The following PALM2AKAP2 variants were observed in gnomAD, a reference collection of about 807,000 sequenced individuals.
The protein encoded by PALM2AKAP2 is PALM2-AKAP2 fusion protein.
In PALM2AKAP2, 37 loss-of-function variants were observed where a neutral mutation model predicts 71.5. That is an observed-to-expected ratio of 0.52 (90% CI 0.40 to 0.68). PALM2AKAP2 has a LOEUF of 0.68. PALM2AKAP2 is among the 30% of genes least tolerant of loss of function. The probability of loss-of-function intolerance (pLI) is 0.00; values close to 1 mark genes in which losing one functional copy is unlikely to be tolerated. For synonymous variants in PALM2AKAP2, 468 were observed against 478.8 expected (o/e 0.98, Z 0.29); for missense variants, 1,224 against 1,191.8 (o/e 1.03, Z -0.40).
upstream of PALM2AKAP2, among the ~76,000 whole-genome samples, chr9:109,778,697 T>C (rs372272380): frequency 1.3e-3 from 194 of 152,074 alleles, no homozygotes; most frequent in African/African-American, 4.1e-3. Context: ...TCTGTGAAAA[T>C]TGAAAGGGCA....
At chr9:110,097,485 G>A (rs1182060015) in intron 1 of PALM2AKAP2, among the ~76,000 whole-genome samples, 2 of 150,034 alleles carry the variant, frequency 1.3e-5, no homozygotes, top group African/African-American at 4.9e-5. Flanking sequence ...CCCAGACGGG[G>A]TGGTGGCCGG....
chr9:110,140,283 A>T (rs540029774), intron 2 of PALM2AKAP2, among the ~76,000 whole-genome samples: 26 of 152,288 alleles, frequency 1.7e-4, no homozygotes, highest in African/African-American at 6.3e-4. Flanking sequence ...GCTAACTTGT[A>T]TGTCCTTTGG....
chr9:109,840,871 G>C (rs1045569838), intron 1 of PALM2AKAP2, among the ~76,000 whole-genome samples: 4 of 152,214 alleles, frequency 2.6e-5, no homozygotes, highest in African/African-American at 9.6e-5. Context: ...GGAGACAACA[G>C]GTGCTGGAGA....
At chr9:109,915,346 A>T (rs1192024346) in intron 3 of PALM2AKAP2, among the ~76,000 whole-genome samples, 2 of 152,222 alleles carry the variant, frequency 1.3e-5, no homozygotes. Context: ...GTTTCTGGAG[A>T]GCAATTAAGT....
intron 1 of PALM2AKAP2, among the ~76,000 whole-genome samples, chr9:109,688,850 G>A (rs1827839476): frequency 6.6e-6 from 1 of 152,204 alleles, no homozygotes. Context: ...CTGTAGAGAA[G>A]ATAATAGAAG....
intron 1 of PALM2AKAP2, among the ~76,000 whole-genome samples, chr9:109,863,243 A>C (rs1829362299): frequency 1.3e-5 from 2 of 152,178 alleles, no homozygotes; most frequent in Non-Finnish European, 2.9e-5. Flanking sequence ...GTAGGAGATG[A>C]AGGAAGGAGG....
At chr9:109,890,188 T>A (rs190728496) in intron 3 of PALM2AKAP2, among the ~76,000 whole-genome samples, 157 of 152,362 alleles carry the variant, frequency 1.0e-3, no homozygotes, top group Non-Finnish European at 2.0e-3. Flanking sequence ...GGTGTCTCAG[T>A]CCTTTCCAGC....
intron 1 of PALM2AKAP2, among the ~76,000 whole-genome samples, chr9:109,811,898 A>G (rs911271145): frequency 6.6e-6 from 1 of 152,234 alleles, no homozygotes; most frequent in Non-Finnish European, 1.5e-5. Context: ...AAAGCAAGTC[A>G]TGGTATACCT....
At chr9:110,060,670 C>T (rs1039596792) in intron 1 of PALM2AKAP2, among the ~76,000 whole-genome samples, 21 of 152,176 alleles carry the variant, frequency 1.4e-4, no homozygotes, top group African/African-American at 4.6e-4. Flanking sequence ...GGCGCGATCT[C>T]GGCTCACTGC....
chr9:109,963,440 A>G (rs369755173), intron 6 of PALM2AKAP2, among the ~76,000 whole-genome samples: 4 of 152,188 alleles, frequency 2.6e-5, no homozygotes, highest in East Asian at 1.9e-4. Context: ...CCTACATTTC[A>G]TCTTCTCTTA....
chr9:109,977,097 G>C (rs932376108), intron 6 of PALM2AKAP2, among the ~76,000 whole-genome samples: 4 of 151,916 alleles, frequency 2.6e-5, no homozygotes, highest in African/African-American at 9.7e-5. Context: ...TAGGAGGTCT[G>C]AGGTGAGGCC....
At chr9:109,963,498 G>A (rs1831888497) in intron 6 of PALM2AKAP2, among the ~76,000 whole-genome samples, 1 of 152,154 alleles carries the variant, frequency 6.6e-6, no homozygotes, top group Non-Finnish European at 1.5e-5. Context: ...CAGGAGGTGG[G>A]AACTAGCTAG....
At chr9:109,921,477 G>A (rs930830159) in intron 3 of PALM2AKAP2, among the ~76,000 whole-genome samples, 5 of 152,192 alleles carry the variant, frequency 3.3e-5, no homozygotes, top group African/African-American at 9.7e-5. Flanking sequence ...AATATCCCCT[G>A]AGGGACAAGA....
At chr9:109,676,256 A>G (rs1178670323) in intron 1 of PALM2AKAP2, among the ~76,000 whole-genome samples, 1 of 152,170 alleles carries the variant, frequency 6.6e-6, no homozygotes, top group Non-Finnish European at 1.5e-5. Context: ...CAAGGCATGT[A>G]TTCTATGATC....
In PALM2AKAP2 at chr9:110,091,007, G is replaced by A. The variant is rs140381862; in HGVS notation, c.156+42152G>A. Among the ~76,000 whole-genome samples, 22 of 151,552 alleles carry A rather than the reference G, an allele frequency of 1.5e-4. No homozygotes were observed. The East Asian group carries it at 3.7e-3, about 25-fold the overall frequency. On this transcript the variant is annotated intron_variant, in intron 1 of 3. Coordinates refer to ENST00000374525, the Ensembl canonical transcript of PALM2AKAP2. The stretch of plus-strand genomic sequence containing the variant: ...CTTGAACATGCTGACAACATAGGTC[G>A]GCATGGGTAAAGCTAAAGAATGGCC...
At chr9:109,772,380 C>T (rs969628400) in intron 1 of PALM2AKAP2, among the ~76,000 whole-genome samples, 2 of 152,184 alleles carry the variant, frequency 1.3e-5, no homozygotes, top group African/African-American at 4.8e-5. Flanking sequence ...AGTATGCCTT[C>T]TCTAGTGGGA....
intron 1 of PALM2AKAP2, among the ~76,000 whole-genome samples, chr9:110,113,812 C>T (rs778651900): frequency 3.3e-5 from 5 of 152,142 alleles, no homozygotes; most frequent in Admixed American, 1.3e-4. Flanking sequence ...GGATTACAGA[C>T]GTGAGCCACC....
chr9:109,832,124 C>T (rs1429134864), intron 1 of PALM2AKAP2, among the ~76,000 whole-genome samples: 1 of 152,200 alleles, frequency 6.6e-6, no homozygotes, highest in Non-Finnish European at 1.5e-5. Flanking sequence ...ATAAAGGATT[C>T]AGTGCATAAA....
chr9:109,739,517 G>A (rs1828687425), intron 1 of PALM2AKAP2, among the ~76,000 whole-genome samples: 2 of 152,150 alleles, frequency 1.3e-5, no homozygotes, highest in African/African-American at 2.4e-5. Context: ...GATCTTAGAG[G>A]TCTCCTAGTT....
Sources: gnomAD v4.1 joint callset for allele counts (sites outside exome capture counted in the v4.1 genomes callset) on GRCh38, gnomAD v4.1.1 for gene constraint, MANE v1.5 for transcripts, NCBI Gene and HGNC (gene_info 2026-07-23, HGNC 2026-07-21) for gene names.